The following ANKS1B variants were observed in gnomAD, a reference collection of about 807,000 sequenced individuals.
ANKS1B encodes ankyrin repeat and sterile alpha motif domain containing 1B.
ANKS1B carries 36 observed loss-of-function variants against 148.3 expected under a neutral mutation model. That is an observed-to-expected ratio of 0.24 (90% CI 0.19 to 0.32). The LOEUF (loss-of-function observed/expected upper bound fraction) is 0.32. Ranked by LOEUF, ANKS1B falls within the 10% of genes least tolerant of loss-of-function variation. The pLI is 1.00. For synonymous variants in ANKS1B, 542 were observed against 560.8 expected, an observed-to-expected ratio of 0.97 and a Z score of 0.47; for missense variants, 1,157 against 1,542.6, an observed-to-expected ratio of 0.75 and a Z score of 4.19.
At chr12:99,859,793 C>A (rs1210505045) in intron 1 of ANKS1B, among the ~76,000 whole-genome samples, 1 of 151,822 alleles carries the variant, frequency 6.6e-6, no homozygotes, top group East Asian at 1.9e-4. Context: ...ATTAGAGGTA[C>A]CTGCCACCAC....
intron 8 of ANKS1B, among the ~76,000 whole-genome samples, chr12:99,744,099 C>T (rs927336428): frequency 1.3e-5 from 2 of 152,102 alleles, no homozygotes; most frequent in Admixed American, 1.3e-4. Flanking sequence ...TGGGTTCCTG[C>T]AACCAACCCC....
At chr12:98,997,258 G>A (rs1197864085) in intron 17 of ANKS1B, among the ~76,000 whole-genome samples, 1 of 152,112 alleles carries the variant, frequency 6.6e-6, no homozygotes, top group Non-Finnish European at 1.5e-5. Context: ...GGATTGGGCA[G>A]GTAGAAGGCA....
intron 17 of ANKS1B, among the ~76,000 whole-genome samples, chr12:99,038,279 A>G (rs2099956770): frequency 6.6e-6 from 1 of 152,104 alleles, no homozygotes; most frequent in Admixed American, 6.5e-5. Context: ...TCCCTAACAA[A>G]TATTCCCAAT....
chr12:98,953,179 C>T (rs1182908796), intron 17 of ANKS1B, among the ~76,000 whole-genome samples: 1 of 152,126 alleles, frequency 6.6e-6, no homozygotes, highest in Non-Finnish European at 1.5e-5. Flanking sequence ...TGCTACCACA[C>T]ACAACTAATT....
At chr12:99,116,767 T>A (rs759413829) in intron 15 of ANKS1B, among the ~76,000 whole-genome samples, 1 of 152,202 alleles carries the variant, frequency 6.6e-6, no homozygotes, top group South Asian at 2.1e-4. Context: ...GGGGATAGCA[T>A]TGAATCCATA....
chr12:99,972,900 T>C (rs57695376), intron 1 of ANKS1B, among the ~76,000 whole-genome samples: 2 of 152,304 alleles, frequency 1.3e-5, no homozygotes, highest in African/African-American at 4.8e-5. Context: ...CAATGCTTAT[T>C]TACCATTCCA....
intron 15 of ANKS1B, among the ~76,000 whole-genome samples, chr12:99,111,510 T>C (rs2060281191): frequency 6.6e-6 from 1 of 152,106 alleles, no homozygotes; most frequent in Non-Finnish European, 1.5e-5. Context: ...AAGACTATTA[T>C]ATAAGCTAAT....
chr12:99,674,217 T>G (rs1053722545), intron 8 of ANKS1B, among the ~76,000 whole-genome samples: 1 of 151,774 alleles, frequency 6.6e-6, no homozygotes, highest in Non-Finnish European at 1.5e-5. Flanking sequence ...CAAATAAAAG[T>G]GTATTGGGGA....
intron 9 of ANKS1B, among the ~76,000 whole-genome samples, chr12:99,643,772 T>C (rs2098332571): frequency 6.6e-6 from 1 of 152,210 alleles, no homozygotes; most frequent in Non-Finnish European, 1.5e-5. Context: ...TAATCCCAAC[T>C]CTGAATCCCA....
chr12:99,665,916 T>C (rs1252800649), intron 8 of ANKS1B, among the ~76,000 whole-genome samples: 8 of 152,198 alleles, frequency 5.3e-5, no homozygotes, highest in Non-Finnish European at 1.0e-4. Context: ...TTTTCCTATA[T>C]TTTCTTCCAT....
At chr12:99,746,417 T>C (rs1401326342) in intron 8 of ANKS1B, among the ~76,000 whole-genome samples, 1 of 152,204 alleles carries the variant, frequency 6.6e-6, no homozygotes, top group Admixed American at 6.6e-5. Context: ...TACTTCCTAA[T>C]GTCAACTCTT....
intron 8 of ANKS1B, among the ~76,000 whole-genome samples, chr12:99,682,350 C>T (rs1391755238): frequency 6.6e-6 from 1 of 152,058 alleles, no homozygotes; most frequent in Non-Finnish European, 1.5e-5. Flanking sequence ...CAAGATAGAC[C>T]ATATATGATA....
At chr12:99,063,787 G>C (rs2153566448) in intron 16 of ANKS1B, among the ~76,000 whole-genome samples, 1 of 152,286 alleles carries the variant, frequency 6.6e-6, no homozygotes, top group Admixed American at 6.5e-5. Context: ...TATTCCTTCT[G>C]TGGGAATGGA....
intron 15 of ANKS1B, among the ~76,000 whole-genome samples, chr12:99,087,490 G>A (rs896612846): frequency 1.8e-4 from 28 of 152,098 alleles, no homozygotes; most frequent in Non-Finnish European, 7.4e-5. Flanking sequence ...CATGCCACAG[G>A]AAATATTGCT....
intron 12 of ANKS1B, among the ~76,000 whole-genome samples, chr12:99,357,361 C>T (rs1401019705): frequency 2.0e-5 from 3 of 151,948 alleles, no homozygotes; most frequent in Admixed American, 2.0e-4. Flanking sequence ...TTGCATTATA[C>T]CCATCCCTGC....
exon 10 of ANKS1B, chr12:98,735,612 G>T (rs1393248908): frequency 1.3e-6 from 1 of 773,044 alleles, no homozygotes; most frequent in Non-Finnish European, 2.4e-6. Context: ...TTCCTGCCCG[G>T]TATGGCTGGC....
At chr12:99,539,410 G>C (rs139799722) in intron 9 of ANKS1B, among the ~76,000 whole-genome samples, 1 of 151,854 alleles carries the variant, frequency 6.6e-6, no homozygotes, top group South Asian at 2.1e-4. Context: ...ACAAACTGTT[G>C]ATATTAATTC....
chr12:99,831,435 C>T (rs1025490864), intron 1 of ANKS1B, among the ~76,000 whole-genome samples: 1 of 150,794 alleles, frequency 6.6e-6, no homozygotes, highest in African/African-American at 2.5e-5. Context: ...CCTAGAAATT[C>T]TCCTTAAGAG....
rs766134209 is a variant in ANKS1B, at chr12:98,745,734, G to C, written c.*5C>G. ...GGCACCGCGAGGACAGGAGGACGGC[G>C]AGTATCAGAAAATCGTGGTTTCATA... On this transcript the variant is annotated 3_prime_UTR_variant, in exon 27 of 27. Transcript: ENST00000683438. The C allele has an allele frequency of 6.2e-7, 1 of 1,613,404 alleles. No individual in the cohort carries two copies. The highest frequency in any genetic ancestry group is 1.1e-5 in the South Asian group (1 of 90,978).
Sources: gnomAD v4.1 joint callset for allele counts (sites outside exome capture counted in the v4.1 genomes callset) on GRCh38, gnomAD v4.1.1 for gene constraint, MANE v1.5 for transcripts, NCBI Gene and HGNC (gene_info 2026-07-23, HGNC 2026-07-21) for gene names.